ARHGEF37: variants seen among roughly 807,000 people sequenced by gnomAD.
ARHGEF37 encodes the protein Rho guanine nucleotide exchange factor (GEF) 37.
Under a neutral mutation model 71.1 loss-of-function variants are expected in ARHGEF37, and 55 were observed. That is an observed-to-expected ratio of 0.77 (90% confidence interval 0.62 to 0.97). The LOEUF (loss-of-function observed/expected upper bound fraction) is 0.97. Ranked by LOEUF, ARHGEF37 falls within the 50% of genes least tolerant of loss-of-function variation. The pLI is 0.00. For missense variants in ARHGEF37, 765 were observed against 836.8 expected, an observed-to-expected ratio of 0.91 and a Z score of 1.06; for synonymous variants, 327 against 350.6, an observed-to-expected ratio of 0.93 and a Z score of 0.75.
Position 149,620,453 on chromosome 5 carries a change from T to C in ARHGEF37, c.994T>C (p.Phe332Leu), listed in dbSNP as rs1343734493. The stretch of plus-strand genomic sequence containing the variant: ...GGCAAGAGACCTTCACCTTGAGGCC[T>C]TCCTGAAATTTGTGAGTGGAACCTT... ...NLARDLHLEA[F>L]LKFKQRLEGL... Residue 332 changes from phenylalanine to leucine, a missense_variant, in exon 8 of 13, where the codon TTC becomes CTC. Around this residue, in one of 5 missense-constraint regions of ARHGEF37, gnomAD observed 167 missense variants for 173.3 expected, o/e 0.96. Coordinates refer to ENST00000333677, the MANE Select transcript of ARHGEF37 (RefSeq NM_001001669.3). 6.2e-7 allele frequency: 1 copy of C among 1,607,612 alleles called. No homozygotes were observed. The highest frequency in any genetic ancestry group is 8.5e-7 in the Non-Finnish European group (1 of 1,176,562).
At chr5:149,580,281 G>A (rs1002984624), upstream of ARHGEF37, among the ~76,000 whole-genome samples, 1 of 151,760 alleles carries the variant, frequency 6.6e-6, no homozygotes, top group East Asian at 2.0e-4. Context: ...GGATGGTCTC[G>A]ATCTCTTGAC....
At chr5:149,620,639 G>C (rs1307830920) in intron 8 of ARHGEF37, among the ~76,000 whole-genome samples, 175 bp downstream of exon 8, 6 of 152,086 alleles carry the variant, frequency 3.9e-5, no homozygotes, top group Non-Finnish European at 7.4e-5. Context: ...AGACCAGCCT[G>C]GGCAATACGA....
intron 9 of ARHGEF37, among the ~76,000 whole-genome samples, chr5:149,623,332 G>T (rs1049417929): frequency 6.6e-6 from 1 of 152,194 alleles, no homozygotes; most frequent in Non-Finnish European, 1.5e-5. Flanking sequence ...CAAGCATGGG[G>T]ACTGGGACTG....
intron 1 of ARHGEF37, among the ~76,000 whole-genome samples, chr5:149,564,619 G>T (rs1310176071): frequency 1.3e-5 from 2 of 152,174 alleles, no homozygotes; most frequent in Non-Finnish European, 2.9e-5. Context: ...GAGGCCAGGA[G>T]TTCGAGGCCA....
At chr5:149,590,139 T>C (rs1163099297) in intron 1 of ARHGEF37, among the ~76,000 whole-genome samples, 1 of 152,196 alleles carries the variant, frequency 6.6e-6, no homozygotes, top group Admixed American at 6.6e-5. Context: ...CAAATACTTG[T>C]TGAATGAATG....
In ARHGEF37 at chr5:149,633,573, G is replaced by C. The variant is rs548770181; in HGVS notation, c.*1382G>C. On this transcript the variant is annotated 3_prime_UTR_variant, in exon 13 of 13. Coordinates refer to ENST00000333677, the MANE Select transcript of ARHGEF37 (RefSeq NM_001001669.3). ...TGCTTGGGGTGGTCATGTCTAGGCT[G>C]TTGCTCTGGGCAAAGATAAGTTGCA... The C allele has an allele frequency of 6.6e-6, 1 of 152,390 alleles. No homozygotes were observed. Among genetic ancestry groups the C allele is most frequent in the East Asian group, 1.9e-4 (1 of 5,182 alleles). 9.4% of individuals were successfully genotyped at this position (152,390 alleles called of 1,614,324 possible).
chr5:149,615,049 G>A lies in ARHGEF37; in HGVS notation c.459-1518G>A, dbSNP rs969971288. ...CGGATGCTATTGACTTGGGGACTCTGGATGAAATTCCAGACATCCTTAAGA... is the reference window on the plus strand; with the variant it reads ...CGGATGCTATTGACTTGGGGACTCTAGATGAAATTCCAGACATCCTTAAGA... On this transcript the variant is annotated intron_variant, in intron 4 of 12. Coordinates refer to ENST00000333677, the MANE Select transcript of ARHGEF37 (RefSeq NM_001001669.3). Among the ~76,000 whole-genome samples the A allele has an allele frequency of 2.0e-5, 3 of 152,156 alleles. No homozygotes were observed. In the South Asian group the frequency reaches 6.2e-4, roughly 32 times the overall value.
chr5:149,629,804 A>G (rs543142412), intron 12 of ARHGEF37, among the ~76,000 whole-genome samples: 2 of 152,372 alleles, frequency 1.3e-5, no homozygotes, highest in African/African-American at 4.8e-5. Flanking sequence ...AGGCCCATCA[A>G]TATGAATGGA....
intron 1 of ARHGEF37, among the ~76,000 whole-genome samples, chr5:149,593,190 G>T (rs948772081): frequency 6.6e-6 from 1 of 152,166 alleles, no homozygotes. Context: ...ATATCATATG[G>T]TTTGCCCATT....
chr5:149,569,498 T>G (rs1321796151), intron 1 of ARHGEF37, among the ~76,000 whole-genome samples: 1 of 151,664 alleles, frequency 6.6e-6, no homozygotes, highest in Non-Finnish European at 1.5e-5. Flanking sequence ...ATTTGTATTT[T>G]TAGTAGAGAT....
chr5:149,617,586 T>C (rs1752414772), intron 5 of ARHGEF37, among the ~76,000 whole-genome samples: 1 of 152,232 alleles, frequency 6.6e-6, no homozygotes, highest in African/African-American at 2.4e-5. Context: ...TTAGCCCCAT[T>C]TCACAGTCAG....
chr5:149,602,350 C>T (rs1169561308), intron 3 of ARHGEF37, among the ~76,000 whole-genome samples: 2 of 152,090 alleles, frequency 1.3e-5, no homozygotes, highest in African/African-American at 4.8e-5. Flanking sequence ...CCACTGTGCC[C>T]AGCTGATTTA....
rs760685719 is a variant in ARHGEF37 at position 149,621,928 on chromosome 5, C to A, written c.1201C>A (p.Leu401Met). The part of the protein sequence containing the change: ...ARHTYQALNS[L>M]LVAELPQFNQ... ...GCACACATACCAGGCACTCAACTCG[C>A]TGCTAGTGGCTGAGCTCCCACAGTT... The change falls in exon 9 of 13, where the codon CTG (leucine) becomes ATG (methionine). Residue 401 changes from leucine to methionine, a missense_variant. By Grantham distance (15) the Leu-to-Met change is conservative. Transcript: ENST00000333677. 6.2e-7 allele frequency: 1 copy of A among 1,614,252 alleles called. No homozygotes were observed. The highest frequency in any genetic ancestry group is 8.5e-7 in the Non-Finnish European group (1 of 1,180,048).
At chr5:149,598,278 T>G (rs148058583) in intron 2 of ARHGEF37, among the ~76,000 whole-genome samples, 1 of 141,502 alleles carries the variant, frequency 7.1e-6, no homozygotes, top group Non-Finnish European at 1.5e-5. Context: ...CTTCTTCTTC[T>G]TCTTCTTCTT....
intron 1 of ARHGEF37, among the ~76,000 whole-genome samples, chr5:149,575,708 G>A (rs1320668327): frequency 7.3e-6 from 1 of 136,148 alleles, no homozygotes; most frequent in African/African-American, 2.8e-5. Context: ...TGGAGACAGG[G>A]TCTCACTCTG....
At chr5:149,596,743 G>A (rs1250958058) in intron 1 of ARHGEF37, among the ~76,000 whole-genome samples, 1 of 152,132 alleles carries the variant, frequency 6.6e-6, no homozygotes, top group Non-Finnish European at 1.5e-5. Flanking sequence ...AACACAGGAG[G>A]GGGCATGGCA....
At chr5:149,593,624 GATAAC>G (rs1763471155) in intron 1 of ARHGEF37, among the ~76,000 whole-genome samples, 2 of 152,186 alleles carry the variant, frequency 1.3e-5, no homozygotes, top group Non-Finnish European at 2.9e-5. Context: ...AAGCCTTACT[GATAAC>G]ATAAACAGTT....
At chr5:149,626,636 T>C (rs1365409291) in intron 10 of ARHGEF37, among the ~76,000 whole-genome samples, 1 of 152,204 alleles carries the variant, frequency 6.6e-6, no homozygotes, top group Non-Finnish European at 1.5e-5. Flanking sequence ...CGTTCCTGCA[T>C]ATGTGAAATC....
chr5:149,619,498 A>C (rs890233969), intron 7 of ARHGEF37, among the ~76,000 whole-genome samples: 1 of 152,208 alleles, frequency 6.6e-6, no homozygotes, highest in African/African-American at 2.4e-5. Context: ...GGCTGAATGA[A>C]TGAATACATG....
Sources: allele counts gnomAD v4.1 joint callset (sites outside exome capture counted in the v4.1 genomes callset), GRCh38; gene constraint gnomAD v4.1.1; regional missense constraint gnomAD v4.1.1; transcripts MANE v1.5; gene names NCBI Gene and HGNC (gene_info 2026-07-23, HGNC 2026-07-21).